CNTN4: variants seen among roughly 807,000 people sequenced by gnomAD.
The protein encoded by CNTN4 is contactin-4.
A neutral mutation model predicts 122.5 loss-of-function variants in CNTN4; 77 were observed. The observed-to-expected ratio is 0.63, with a 90% CI of 0.52 to 0.76. The LOEUF is 0.76. Ranked by LOEUF, CNTN4 falls within the 30% of genes least tolerant of loss-of-function variation. CNTN4 has a pLI of 0.00. For missense variants in CNTN4, 1,256 were observed against 1,259.1 expected (o/e 1.00, Z 0.04); for synonymous variants, 512 against 447.0 (o/e 1.15, Z -1.83).
At chr3:2,602,691 T>C (rs1559292487) in intron 4 of CNTN4, among the ~76,000 whole-genome samples, 1 of 152,148 alleles carries the variant, frequency 6.6e-6, no homozygotes, top group Non-Finnish European at 1.5e-5. Flanking sequence ...TTCAATGTCA[T>C]CCCCATCAAG....
At chr3:3,040,669 G>A (rs1700082203) in intron 20 of CNTN4, among the ~76,000 whole-genome samples, 1 of 152,158 alleles carries the variant, frequency 6.6e-6, no homozygotes, top group Admixed American at 6.5e-5. Context: ...GCTCACACCT[G>A]TAATCCCAAC....
intron 7 of CNTN4, among the ~76,000 whole-genome samples, chr3:2,845,884 CTT>C (rs2093447860): frequency 6.6e-6 from 1 of 152,182 alleles, no homozygotes; most frequent in African/African-American, 2.4e-5. Flanking sequence ...TCTTTCATAA[CTT>C]GGCTTTTTCA....
chr3:2,925,962 G>C (rs554224440), intron 13 of CNTN4, among the ~76,000 whole-genome samples, 183 bp downstream of exon 13: 6 of 152,258 alleles, frequency 3.9e-5, no homozygotes, highest in African/African-American at 1.2e-4. Context: ...TTCTGGATTT[G>C]GGAATTCTAC....
intron 3 of CNTN4, chr3:2,362,436 C>G (rs1575462955): frequency 5.1e-6 from 2 of 391,404 alleles, no homozygotes; most frequent in East Asian, 7.3e-5. Context: ...GGATCCTGGA[C>G]CATCGCCTCC....
chr3:2,350,948 C>T (rs1203498651), intron 3 of CNTN4, among the ~76,000 whole-genome samples: 1 of 152,174 alleles, frequency 6.6e-6, no homozygotes, highest in Non-Finnish European at 1.5e-5. Flanking sequence ...CTGATTAATG[C>T]AGCCTCCCAA....
chr3:2,858,349 A>G (rs1033659902), intron 7 of CNTN4, among the ~76,000 whole-genome samples: 2 of 152,132 alleles, frequency 1.3e-5, no homozygotes, highest in Non-Finnish European at 2.9e-5. Context: ...TTTGAGAACC[A>G]CTTGTTATAG....
chr3:2,925,925 GT>G, intron 13 of CNTN4, 146 bp downstream of exon 13: 1 of 712,802 alleles, frequency 1.4e-6, no homozygotes, highest in South Asian at 1.8e-5. Context: ...GGAAGGATGA[GT>G]GGTAAGTTAT....
intron 6 of CNTN4, among the ~76,000 whole-genome samples, chr3:2,756,871 T>A (rs1437514196): frequency 6.6e-6 from 1 of 152,176 alleles, no homozygotes; most frequent in Non-Finnish European, 1.5e-5. Context: ...TTCGGGTATC[T>A]AGCTTCCAGA....
intron 4 of CNTN4, among the ~76,000 whole-genome samples, chr3:2,600,554 T>TA (rs1374639642): frequency 6.6e-6 from 1 of 152,198 alleles, no homozygotes; most frequent in Non-Finnish European, 1.5e-5. Flanking sequence ...GGCTGCATAG[T>TA]ATTCCATGGT....
intron 4 of CNTN4, among the ~76,000 whole-genome samples, chr3:2,664,376 A>T (rs4476486): frequency 0.45 from 67,707 of 151,874 alleles, 15,919 homozygotes; most frequent in African/African-American, 0.59. Flanking sequence ...TTATTTGCAG[A>T]TGGTCACATT....
intron 18 of CNTN4, among the ~76,000 whole-genome samples, chr3:3,037,893 G>C (rs1699759971): frequency 6.6e-6 from 1 of 152,178 alleles, no homozygotes; most frequent in Non-Finnish European, 1.5e-5. Context: ...TATGCAGCTT[G>C]AATGAGCACG....
chr3:2,845,569 T>G (rs2150571801), intron 7 of CNTN4, among the ~76,000 whole-genome samples: 1 of 152,330 alleles, frequency 6.6e-6, no homozygotes, highest in East Asian at 1.9e-4. Flanking sequence ...TACCAACTAA[T>G]TCTAGGTCCC....
chr3:2,477,964 CT>C (rs761328367), intron 3 of CNTN4, among the ~76,000 whole-genome samples: 2 of 152,114 alleles, frequency 1.3e-5, no homozygotes, highest in Non-Finnish European at 2.9e-5. Context: ...TTTTAAATTA[CT>C]TTGAAATAGT....
intron 2 of CNTN4, among the ~76,000 whole-genome samples, chr3:2,169,596 A>G (rs1425342862): frequency 6.6e-6 from 1 of 151,640 alleles, no homozygotes; most frequent in African/African-American, 2.4e-5. Flanking sequence ...ACGGGGTTTC[A>G]CCCTGCTAGC....
chr3:3,006,907 A>G (rs967834082), intron 14 of CNTN4, among the ~76,000 whole-genome samples: 1 of 152,148 alleles, frequency 6.6e-6, no homozygotes, highest in Admixed American at 6.5e-5. Flanking sequence ...ACTGATAATC[A>G]ATATCATTGT....
intron 4 of CNTN4, among the ~76,000 whole-genome samples, chr3:2,632,088 G>A (rs1180408580): frequency 7.5e-6 from 1 of 132,534 alleles, no homozygotes; most frequent in East Asian, 2.4e-4. Context: ...ACACACACGT[G>A]TGTGTATGTA....
At chr3:2,295,632 T>C (rs1181439974) in intron 2 of CNTN4, among the ~76,000 whole-genome samples, 1 of 152,194 alleles carries the variant, frequency 6.6e-6, no homozygotes, top group African/African-American at 2.4e-5. Flanking sequence ...ATAGGTTGCC[T>C]GTTCACTCTG....
At chr3:3,005,249 T>G (rs1301178826) in intron 14 of CNTN4, among the ~76,000 whole-genome samples, 2 of 152,186 alleles carry the variant, frequency 1.3e-5, no homozygotes, top group Non-Finnish European at 2.9e-5. Flanking sequence ...GAAAGTGCTT[T>G]TCCCTTTTTA....
chr3:2,173,747 A>T (rs1575000905), intron 2 of CNTN4, among the ~76,000 whole-genome samples: 1 of 152,206 alleles, frequency 6.6e-6, no homozygotes, highest in African/African-American at 2.4e-5. Context: ...AATAATAATA[A>T]TAGTTTACCT....
Sources: allele counts gnomAD v4.1 joint callset (sites outside exome capture counted in the v4.1 genomes callset), GRCh38; gene constraint gnomAD v4.1.1; transcripts MANE v1.5; gene names NCBI Gene and HGNC (gene_info 2026-07-23, HGNC 2026-07-21).